Variants in ZNRF3 observed in about 807,000 individuals in gnomAD.
ZNRF3 encodes E3 ubiquitin-protein ligase ZNRF3.
ZNRF3 carries 23 observed loss-of-function variants against 72.5 expected under a neutral mutation model. The ratio of observed to expected loss-of-function variants is 0.32; its 90% confidence interval spans 0.23 to 0.45. The LOEUF (loss-of-function observed/expected upper bound fraction) is 0.45. Among genes scored for constraint, ZNRF3 ranks in the 20% least tolerant of loss-of-function variants. The pLI is 1.00. For synonymous variants in ZNRF3, 610 were observed against 545.3 expected (o/e 1.12, Z -1.65); for missense variants, 1,169 against 1,272.1 (o/e 0.92, Z 1.23).
chr22:28,893,538 C>A lies in ZNRF3; in HGVS notation c.300+9472C>A, dbSNP rs149848799. 7.3e-4 allele frequency among the ~76,000 whole-genome samples: 111 copies of A among 151,376 alleles called. 3 individuals carry two copies. The East Asian group carries it at 0.018, about 25-fold the overall frequency. On this transcript the variant is annotated intron_variant, in intron 1 of 8. Coordinates refer to ENST00000544604, the MANE Select transcript of ZNRF3 (RefSeq NM_001206998.2). Reference sequence around the variant, plus strand: ...TTCGAGACAAGTTCTGGCTCTATCGCCCAGGCTGGAGTGCAGTGGCGTGAT... The same window carrying A: ...TTCGAGACAAGTTCTGGCTCTATCGACCAGGCTGGAGTGCAGTGGCGTGAT...
At chr22:29,029,560 T>C (rs2036706739) in intron 2 of ZNRF3, among the ~76,000 whole-genome samples, 1 of 152,232 alleles carries the variant, frequency 6.6e-6, no homozygotes, top group Non-Finnish European at 1.5e-5. Context: ...TGTGCAATTT[T>C]AGGTTAGATC....
At chr22:28,906,985 C>CTTTTTTTT (rs1367720454) in intron 1 of ZNRF3, among the ~76,000 whole-genome samples, 1 of 140,424 alleles carries the variant, frequency 7.1e-6, no homozygotes, top group Non-Finnish European at 1.6e-5. Flanking sequence ...TTCTTTCTTT[C>CTTTTTTTT]TTTTTTTTTT....
chr22:28,900,199 C>T (rs370683340), intron 1 of ZNRF3, among the ~76,000 whole-genome samples: 142 of 152,258 alleles, frequency 9.3e-4, no homozygotes, highest in African/African-American at 3.2e-3. Context: ...TCCCCCAGCT[C>T]CTTATTTATA....
intron 2 of ZNRF3, 130 bp downstream of exon 2, chr22:28,987,331 G>A: frequency 7.2e-7 from 1 of 1,393,388 alleles, no homozygotes; most frequent in Admixed American, 2.6e-5. Context: ...GGCTGAAGTT[G>A]CATGAGGTGG....
rs2033824832 is a variant in ZNRF3 at position 28,888,199 on chromosome 22, T to C, written c.300+4133T>C. 2.0e-5 allele frequency among the ~76,000 whole-genome samples: 3 copies of C among 152,192 alleles called. No homozygotes were observed. The South Asian group carries it at 6.2e-4, about 32-fold the overall frequency. ...GGTGGGTTAAAAGGGCTGATCAAGG[T>C]CCTTAAATATCCGATGTTAAGTAAA... is the stretch of plus-strand genomic sequence containing the variant. On this transcript the variant is annotated intron_variant, in intron 1 of 8. Coordinates refer to ENST00000544604, the MANE Select transcript of ZNRF3 (RefSeq NM_001206998.2).
At chr22:28,906,322 C>T (rs1449352245) in intron 1 of ZNRF3, among the ~76,000 whole-genome samples, 1 of 152,122 alleles carries the variant, frequency 6.6e-6, no homozygotes, top group African/African-American at 2.4e-5. Context: ...GATCTGTCTC[C>T]AAAACAAAAC....
chr22:28,999,717 A>G lies in ZNRF3; in HGVS notation c.426+12516A>G, dbSNP rs1034233969. On this transcript the variant is annotated intron_variant, in intron 2 of 8. Transcript: ENST00000544604. ...TGCAGGTTGCTGGGGCTACCATGAC[A>G]GTGACTGCACATGATTGGTTTTCTG... Among the ~76,000 whole-genome samples, 5 of 152,244 alleles carry G rather than the reference A, an allele frequency of 3.3e-5. No individual in the cohort carries two copies. In the South Asian group the frequency reaches 6.2e-4, roughly 19 times the overall value.
intron 2 of ZNRF3, among the ~76,000 whole-genome samples, chr22:29,022,112 C>T (rs1301212703): frequency 6.6e-6 from 1 of 152,202 alleles, no homozygotes; most frequent in Non-Finnish European, 1.5e-5. Context: ...GTATATACTG[C>T]TTATTCTGGC....
intron 2 of ZNRF3, chr22:29,031,623 AAGTG>A: frequency 1.0e-6 from 1 of 985,504 alleles, no homozygotes; most frequent in South Asian, 4.7e-5. Context: ...GGAAAGGAAA[AAGTG>A]AGGAGTAAGG....
intron 1 of ZNRF3, among the ~76,000 whole-genome samples, chr22:28,912,397 C>CT (rs1410026087): frequency 6.6e-6 from 1 of 152,094 alleles, no homozygotes; most frequent in Non-Finnish European, 1.5e-5. Flanking sequence ...TTAAGTAACT[C>CT]TTTTTTTAAG....
intron 6 of ZNRF3, among the ~76,000 whole-genome samples, chr22:29,047,257 T>A (rs946174164): frequency 1.3e-5 from 2 of 152,138 alleles, no homozygotes; most frequent in African/African-American, 4.8e-5. Flanking sequence ...ACTTTGTCTG[T>A]CTTAGAAAAT....
At chr22:28,909,498 AT>A (rs2034275080) in intron 1 of ZNRF3, among the ~76,000 whole-genome samples, 1 of 152,046 alleles carries the variant, frequency 6.6e-6, no homozygotes, top group Non-Finnish European at 1.5e-5. Context: ...CAGAGTGACT[AT>A]GCAAATCAGG....
At chr22:28,969,019 G>A (rs894819904) in intron 1 of ZNRF3, among the ~76,000 whole-genome samples, 1 of 152,158 alleles carries the variant, frequency 6.6e-6, no homozygotes, top group Non-Finnish European at 1.5e-5. Context: ...CCTCCATGTG[G>A]TCTTGGCCCA....
chr22:28,915,495 A>G (rs2034391880), intron 1 of ZNRF3, among the ~76,000 whole-genome samples: 1 of 152,240 alleles, frequency 6.6e-6, no homozygotes, highest in South Asian at 2.1e-4. Flanking sequence ...ACACAGAGCC[A>G]TTAAGACATG....
intron 1 of ZNRF3, among the ~76,000 whole-genome samples, chr22:28,893,354 A>G (rs1380675203): frequency 6.6e-6 from 1 of 152,094 alleles, no homozygotes; most frequent in African/African-American, 2.4e-5. Context: ...TAGAGAAGAA[A>G]CATCGGTTTT....
chr22:28,951,753 G>A (rs1252268663), intron 1 of ZNRF3, among the ~76,000 whole-genome samples: 1 of 152,196 alleles, frequency 6.6e-6, no homozygotes, highest in African/African-American at 2.4e-5. Context: ...GTCTCCCAGG[G>A]TGACCTGTGC....
chr22:29,007,700 C>T (rs1036462011), intron 2 of ZNRF3, among the ~76,000 whole-genome samples: 1 of 150,960 alleles, frequency 6.6e-6, no homozygotes, highest in Non-Finnish European at 1.5e-5. Context: ...TTTATCATAG[C>T]TCCCCTTTTT....
intron 1 of ZNRF3, among the ~76,000 whole-genome samples, chr22:28,926,566 C>T (rs964549443): frequency 2.1e-4 from 32 of 151,206 alleles, no homozygotes; most frequent in Admixed American, 1.4e-3. Context: ...CCAGCACTTT[C>T]GGAAGCTGAG....
chr22:28,947,899 C>T (rs2035082161), intron 1 of ZNRF3, among the ~76,000 whole-genome samples: 1 of 152,120 alleles, frequency 6.6e-6, no homozygotes, highest in Admixed American at 6.5e-5. Context: ...GGTTGGAGTG[C>T]AGTGGCGTGA....
Sources: gnomAD v4.1 joint callset for allele counts (sites outside exome capture counted in the v4.1 genomes callset) on GRCh38, gnomAD v4.1.1 for gene constraint, MANE v1.5 for transcripts, NCBI Gene and HGNC (gene_info 2026-07-23, HGNC 2026-07-21) for gene names.